The following PLPPR1 variants were observed in gnomAD, a reference collection of about 807,000 sequenced individuals.
The protein encoded by PLPPR1 is phospholipid phosphatase related 1, also known as phospholipid phosphatase-related protein type 1.
In PLPPR1, 10 loss-of-function variants were observed where a neutral mutation model predicts 33.1. That is an observed-to-expected ratio of 0.30 (90% CI 0.19 to 0.51). The LOEUF (loss-of-function observed/expected upper bound fraction) is 0.51, where lower values mean the gene tolerates loss of function less well. PLPPR1 is among the 20% of genes least tolerant of loss of function. The pLI, the probability that PLPPR1 is intolerant of heterozygous loss-of-function variation, is 0.97. For missense variants in PLPPR1, 304 were observed against 408.1 expected (o/e 0.74, Z 2.20); for synonymous variants, 151 against 151.0 (o/e 1.00, Z 0.00).
chr9:101,212,935 C>T (rs1481565149), intron 2 of PLPPR1, among the ~76,000 whole-genome samples: 1 of 152,126 alleles, frequency 6.6e-6, no homozygotes, highest in African/African-American at 2.4e-5. Flanking sequence ...TTATGCCAGT[C>T]ATTCTCATTC....
At chr9:101,204,123 T>C (rs1378329389) in intron 2 of PLPPR1, among the ~76,000 whole-genome samples, 1 of 152,220 alleles carries the variant, frequency 6.6e-6, no homozygotes, top group Non-Finnish European at 1.5e-5. Context: ...TGCAGTTTAC[T>C]GAGTTAACCT....
At chr9:101,205,570 T>G (rs1224055472) in intron 2 of PLPPR1, among the ~76,000 whole-genome samples, 2 of 152,234 alleles carry the variant, frequency 1.3e-5, no homozygotes, top group African/African-American at 4.8e-5. Flanking sequence ...TTGTTTTGTA[T>G]GTTCACCTTT....
At chr9:101,198,206 G>A (rs1461747738) in intron 2 of PLPPR1, among the ~76,000 whole-genome samples, 1 of 152,138 alleles carries the variant, frequency 6.6e-6, no homozygotes, top group Non-Finnish European at 1.5e-5. Flanking sequence ...TGTGGTGCAT[G>A]TACATCAGTA....
At chr9:101,029,791 A>T (rs1829919553) in intron 1 of PLPPR1, among the ~76,000 whole-genome samples, 1 of 152,074 alleles carries the variant, frequency 6.6e-6, no homozygotes, top group African/African-American at 2.4e-5. Flanking sequence ...GGACGCTAGG[A>T]TCTCTCCTCC....
At chr9:101,275,495 C>T (rs1211026690) in intron 3 of PLPPR1, among the ~76,000 whole-genome samples, 1 of 152,194 alleles carries the variant, frequency 6.6e-6, no homozygotes, top group Non-Finnish European at 1.5e-5. Context: ...AAGGTTAGAG[C>T]ATGGGGGATT....
intron 3 of PLPPR1, among the ~76,000 whole-genome samples, chr9:101,280,193 AATAG>A (rs1474899278): frequency 2.0e-5 from 3 of 152,106 alleles, no homozygotes; most frequent in African/African-American, 7.2e-5. Context: ...ACCTAGAGAA[AATAG>A]ATAAACTCTA....
In PLPPR1 at chr9:101,309,287, A is replaced by G; in HGVS notation, c.462A>G (p.Pro154=). Reference sequence around the variant, plus strand: ...AAGTGGTCACTGGGCACTTAACGCCATACTTCCTGACTGTGTGCAAGCCAA... The same window carrying G: ...AAGTGGTCACTGGGCACTTAACGCCGTACTTCCTGACTGTGTGCAAGCCAA... ...AGQVVTGHLT[P]YFLTVCKPNY... Residue 154 remains proline (P), a synonymous_variant, in exon 5 of 8, where the codon CCA becomes CCG. Coordinates refer to ENST00000374874, the MANE Select transcript of PLPPR1 (RefSeq NM_207299.2). 6.2e-7 allele frequency: 1 copy of G among 1,614,194 alleles called. No individual in the cohort carries two copies. The highest frequency in any genetic ancestry group is 8.5e-7 in the Non-Finnish European group (1 of 1,180,040).
intron 2 of PLPPR1, among the ~76,000 whole-genome samples, chr9:101,226,767 TA>T (rs1266595762): frequency 1.3e-5 from 2 of 149,572 alleles, no homozygotes; most frequent in African/African-American, 4.8e-5. Flanking sequence ...TCAAAGCTTA[TA>T]TTTTTTTAAG....
chr9:101,268,721 TG>T (rs1408868130), intron 2 of PLPPR1, among the ~76,000 whole-genome samples: 1 of 152,244 alleles, frequency 6.6e-6, no homozygotes, highest in African/African-American at 2.4e-5. Context: ...CTGCCTTATA[TG>T]TACTTCAAAA....
intron 1 of PLPPR1, among the ~76,000 whole-genome samples, chr9:101,085,779 G>A (rs112505154): frequency 0.021 from 3,202 of 152,158 alleles, 74 homozygotes; most frequent in African/African-American, 0.057. Flanking sequence ...GGGGTAATCC[G>A]TAAAGTGGAC....
chr9:101,113,206 C>G (rs1376074462), intron 1 of PLPPR1, among the ~76,000 whole-genome samples: 1 of 144,248 alleles, frequency 6.9e-6, no homozygotes, highest in Non-Finnish European at 1.5e-5. Context: ...CATATTAATC[C>G]TTTTTTTTTT....
Position 101,316,144 on chromosome 9 carries a change from C to T in PLPPR1, c.814-1221C>T, listed in dbSNP as rs372156121. ...GGTTCCCCTCTTCCCAGTTAAAGCA[C>T]AGTGTAGGGTCCTCGGGCGCGGTGG... On this transcript the variant is annotated intron_variant, in intron 6 of 7. Transcript: ENST00000374874. 4.6e-5 allele frequency among the ~76,000 whole-genome samples: 7 copies of T among 152,248 alleles called. No homozygotes were observed. In the East Asian group the frequency reaches 1.4e-3, roughly 30 times the overall value.
intron 2 of PLPPR1, among the ~76,000 whole-genome samples, chr9:101,201,761 T>C (rs1462151228): frequency 6.6e-6 from 1 of 152,198 alleles, no homozygotes; most frequent in East Asian, 1.9e-4. Flanking sequence ...CACATAGTTT[T>C]ATTCAACTTG....
intron 1 of PLPPR1, among the ~76,000 whole-genome samples, chr9:101,096,892 C>T (rs1004462064): frequency 1.3e-5 from 2 of 151,904 alleles, no homozygotes; most frequent in Non-Finnish European, 2.9e-5. Context: ...TAGTGAGACC[C>T]CATCTCTACA....
chr9:101,298,480 C>G (rs925310322), intron 4 of PLPPR1, among the ~76,000 whole-genome samples: 1 of 151,956 alleles, frequency 6.6e-6, no homozygotes, highest in African/African-American at 2.4e-5. Flanking sequence ...GAATTGATAC[C>G]CTGGGACGAG....
intron 1 of PLPPR1, among the ~76,000 whole-genome samples, chr9:101,058,410 G>A (rs961915638): frequency 3.9e-5 from 6 of 152,054 alleles, no homozygotes; most frequent in African/African-American, 9.7e-5. Flanking sequence ...AACAGATGGG[G>A]CAGGAGACAG....
At chr9:101,113,124 G>T (rs555610777) in intron 1 of PLPPR1, among the ~76,000 whole-genome samples, 1 of 152,154 alleles carries the variant, frequency 6.6e-6, no homozygotes, top group Non-Finnish European at 1.5e-5. Context: ...AGTTCAGGAG[G>T]TCATAGAATG....
chr9:101,271,397 T>C (rs531550635), intron 3 of PLPPR1, among the ~76,000 whole-genome samples: 1 of 152,336 alleles, frequency 6.6e-6, no homozygotes, highest in African/African-American at 2.4e-5. Context: ...AACTGCTCTT[T>C]GCCCTCTTTG....
intron 1 of PLPPR1, among the ~76,000 whole-genome samples, chr9:101,121,711 T>C (rs1235565431): frequency 6.6e-6 from 1 of 152,146 alleles, no homozygotes; most frequent in Non-Finnish European, 1.5e-5. Context: ...AAAAAATAAG[T>C]GATCATCTTA....
Sources: gnomAD v4.1 joint callset for allele counts (sites outside exome capture counted in the v4.1 genomes callset) on GRCh38, gnomAD v4.1.1 for gene constraint, MANE v1.5 for transcripts, NCBI Gene and HGNC (gene_info 2026-07-23, HGNC 2026-07-21) for gene names.